GDI2: variants seen among roughly 807,000 people sequenced by gnomAD.
GDI2 encodes the protein GDP dissociation inhibitor 2.
In GDI2, 22 loss-of-function variants were observed where a neutral mutation model predicts 54.2. The observed-to-expected ratio is 0.41, with a 90% confidence interval of 0.29 to 0.58. The LOEUF is 0.58. GDI2 is among the 20% of genes least tolerant of loss of function. The pLI is 0.35. For synonymous variants in GDI2, 177 were observed against 182.1 expected (o/e 0.97, Z 0.23); for missense variants, 422 against 546.0 (o/e 0.77, Z 2.26).
chr10:5,772,784 C>A (rs529930659), intron 7 of GDI2, among the ~76,000 whole-genome samples: 1 of 152,110 alleles, frequency 6.6e-6, no homozygotes, highest in African/African-American at 2.4e-5. Context: ...AAATAAATAA[C>A]ATTTTAGTAG....
intron 4 of GDI2, among the ~76,000 whole-genome samples, chr10:5,790,767 T>G (rs1396227277): frequency 6.6e-6 from 1 of 152,252 alleles, no homozygotes; most frequent in Non-Finnish European, 1.5e-5. Context: ...TCAAAAGTCT[T>G]GAAGTCTTAA....
chr10:5,770,618 T>C (rs773672121), intron 7 of GDI2, among the ~76,000 whole-genome samples: 1 of 151,742 alleles, frequency 6.6e-6, no homozygotes. Flanking sequence ...GGTGGTTGTA[T>C]AATGATGTGA....
Position 5,768,457 on chromosome 10 carries a change from G to T in GDI2, c.820-73C>A. ...GAAACACATCCCATGTTCATAGTTT[G>T]GAAGACTTAGTATTGTTAAGATATC... On this transcript the variant is annotated intron_variant, in intron 7 of 10. Coordinates refer to ENST00000380191, the MANE Select transcript of GDI2 (RefSeq NM_001494.4). This position sits in a 1 kb window ranked among gnomAD's most constrained non-coding sequence, Gnocchi z 4.4. The T allele has an allele frequency of 1.0e-6, 1 of 959,908 alleles. No individual in the cohort carries two copies. Among genetic ancestry groups the T allele is most frequent in the Non-Finnish European group, 1.6e-6 (1 of 614,806 alleles). 59.5% of individuals were successfully genotyped at this position (959,908 alleles called of 1,614,324 possible). A position where few individuals can be genotyped will look rare whatever the true frequency, so the allele number is the denominator to read the frequency against.
chr10:5,804,886 T>TG (rs1452745018), intron 1 of GDI2, among the ~76,000 whole-genome samples: 3 of 151,306 alleles, frequency 2.0e-5, no homozygotes, highest in Non-Finnish European at 4.4e-5. Context: ...CAGGCTGGAG[T>TG]GCAATGGCAC....
chr10:5,784,990 TATC>T (rs1281226621), intron 6 of GDI2, 149 bp downstream of exon 6: 1 of 464,792 alleles, frequency 2.2e-6, no homozygotes, highest in Non-Finnish European at 3.7e-6. Context: ...GATCCATGCA[TATC>T]ATTATATGTT....
At chr10:5,785,711 A>G (rs1840858591) in intron 5 of GDI2, 141 bp downstream of exon 5, 2 of 624,744 alleles carry the variant, frequency 3.2e-6, no homozygotes, top group Admixed American at 5.7e-5. Flanking sequence ...AAAAGGTCCC[A>G]ACACTAATTT....
rs1241834537 is a variant in GDI2 at position 5,794,187 on chromosome 10, AAATATATATATATATATATATATATAT to A, written c.388+671_388+697del. Among the ~76,000 whole-genome samples, 35 of 40,270 alleles carry A rather than the reference AAATATATATATATATATATATATATAT, an allele frequency of 8.7e-4. 2 individuals carry two copies. The highest frequency in any genetic ancestry group is 1.3e-3 in the South Asian group (1 of 758). The allele number at this position is 40,270 out of a possible 152,430, so 26.4% of individuals were successfully genotyped here. A position where few individuals can be genotyped will look rare whatever the true frequency, so the allele number is the denominator to read the frequency against. ...GTCTTTAAAAGAAAAAAAAAAAAAAAAATATATATATATATATATATATATATATATATATATATATATATAAAACTC... is the reference window on the plus strand; with the variant it reads ...GTCTTTAAAAGAAAAAAAAAAAAAAAATATATATATATATATATAAAACTC... On this transcript the variant is annotated intron_variant, in intron 4 of 10. Coordinates refer to ENST00000380191, the MANE Select transcript of GDI2 (RefSeq NM_001494.4).
Position 5,813,195 on chromosome 10 carries a change from C to T in GDI2, c.45+19G>A, listed in dbSNP as rs772112026. 6.5e-6 allele frequency: 10 copies of T among 1,535,146 alleles called. No individual in the cohort carries two copies. Among genetic ancestry groups the T allele is most frequent in the Admixed American group, 3.7e-5 (2 of 53,852 alleles). On this transcript the variant is annotated intron_variant, in intron 1 of 10. Coordinates refer to ENST00000380191, the MANE Select transcript of GDI2 (RefSeq NM_001494.4). ...CCGCCCCGGCTGCTCAGCCCCGGCC[C>T]CTCAGCCCTGGCGCCCACCGTCAGG... is the stretch of plus-strand genomic sequence containing the variant.
intron 1 of GDI2, among the ~76,000 whole-genome samples, chr10:5,805,228 G>A (rs1841350480): frequency 6.6e-6 from 1 of 152,078 alleles, no homozygotes; most frequent in South Asian, 2.1e-4. Flanking sequence ...TGTTAGAAAT[G>A]TAAATTCTAC....
At chr10:5,778,146 C>T (rs781308546) in intron 6 of GDI2, among the ~76,000 whole-genome samples, 1 of 151,972 alleles carries the variant, frequency 6.6e-6, no homozygotes, top group Non-Finnish European at 1.5e-5. Flanking sequence ...GGGATGGGGG[C>T]TAGGGAGGGA....
intron 1 of GDI2, among the ~76,000 whole-genome samples, chr10:5,802,601 A>G (rs1280179780): frequency 4.6e-5 from 7 of 152,050 alleles, no homozygotes; most frequent in Non-Finnish European, 8.8e-5. Flanking sequence ...CCATCTCAAA[A>G]AAAAAAAAAG....
rs1007832865 is a variant in GDI2, at chr10:5,776,352, A to C, written c.720-2411T>G. On this transcript the variant is annotated intron_variant, in intron 6 of 10. Transcript: ENST00000380191. This position sits in a 1 kb window ranked among gnomAD's most constrained non-coding sequence, Gnocchi z 5.3. ...CAAACCCTCTGCTGAGGATGCAGAG[A>C]GCCAGAGCCCCCTTTCTCAGAAGCA... The C allele has an allele frequency of 6.0e-6, 4 of 667,336 alleles. No homozygotes were observed. Among genetic ancestry groups the C allele is most frequent in the Non-Finnish European group, 1.1e-5 (4 of 365,022 alleles). 41.3% of individuals were successfully genotyped at this position (667,336 alleles called of 1,614,324 possible).
In GDI2 at chr10:5,774,135, CA is replaced by C. The variant is rs33959817; in HGVS notation, c.720-195del. On this transcript the variant is annotated intron_variant, in intron 6 of 10. Transcript: ENST00000380191. This position sits in a 1 kb window ranked among gnomAD's most constrained non-coding sequence, Gnocchi z 4.8. ...ACATAATCAGTTATAAATACGAAGT[CA>C]AAAAAAATCACTAACCAGGCACTTG... 6.6e-6 allele frequency among the ~76,000 whole-genome samples: 1 copy of C among 151,666 alleles called. No individual in the cohort carries two copies. Among genetic ancestry groups the C allele is most frequent in the African/African-American group, 2.4e-5 (1 of 41,230 alleles).
rs1694530270 is a variant in GDI2, at chr10:5,798,684, A to G, written c.154-1822T>C. On this transcript the variant is annotated intron_variant, in intron 2 of 10. Transcript: ENST00000380191. Reference sequence around the variant, plus strand: ...TACTCATTGTATTGAAGATCAGCTAAGAAATATACTAGGCCAGGCACAGAG... The same window carrying G: ...TACTCATTGTATTGAAGATCAGCTAGGAAATATACTAGGCCAGGCACAGAG... Among the ~76,000 whole-genome samples the G allele has an allele frequency of 3.3e-5, 5 of 151,558 alleles. 1 individual carries two copies. The South Asian group carries it at 1.0e-3, about 32-fold the overall frequency.
At chr10:5,767,186 T>C (rs1408188587) in intron 8 of GDI2, among the ~76,000 whole-genome samples, 2 of 148,566 alleles carry the variant, frequency 1.3e-5, no homozygotes, top group Admixed American at 1.3e-4. Context: ...GGAGAGCATT[T>C]AAAGGCCAAA....
At chr10:5,771,762 T>C (rs1239175520) in intron 7 of GDI2, among the ~76,000 whole-genome samples, 3 of 151,954 alleles carry the variant, frequency 2.0e-5, no homozygotes, top group Non-Finnish European at 4.4e-5. Flanking sequence ...AAAAGAAAAA[T>C]ACAGAATAAA....
intron 1 of GDI2, among the ~76,000 whole-genome samples, chr10:5,812,788 G>C (rs1020867356): frequency 3.6e-4 from 55 of 152,322 alleles, no homozygotes; most frequent in African/African-American, 1.3e-3. Context: ...CAGCGGCCGA[G>C]GCGGAATAGG....
At chr10:5,798,712 TCA>T (rs909515810) in intron 2 of GDI2, among the ~76,000 whole-genome samples, 1 of 146,500 alleles carries the variant, frequency 6.8e-6, no homozygotes, top group African/African-American at 2.4e-5. Flanking sequence ...GCACAGAGGC[TCA>T]CACCTGTAAC....
intron 6 of GDI2, among the ~76,000 whole-genome samples, chr10:5,781,014 C>T: frequency 6.6e-6 from 1 of 152,226 alleles, no homozygotes; most frequent in Middle Eastern, 3.4e-3. Context: ...ATTATCCAGA[C>T]AGTGTAGTAC....
Sources: allele counts gnomAD v4.1 joint callset (sites outside exome capture counted in the v4.1 genomes callset), GRCh38; gene constraint gnomAD v4.1.1; non-coding constraint Gnocchi (gnomAD v3.1); transcripts MANE v1.5; gene names NCBI Gene and HGNC (gene_info 2026-07-23, HGNC 2026-07-21).